MRO: variants seen among roughly 807,000 people sequenced by gnomAD.
MRO encodes the protein maestro.
MRO carries 28 observed loss-of-function variants against 31.0 expected under a neutral mutation model. That is an observed-to-expected ratio of 0.90 (90% CI 0.67 to 1.24). The LOEUF is 1.24. MRO is among the 50% of genes most tolerant of loss of function. The pLI is 0.00. For missense variants in MRO, 332 were observed against 289.2 expected (o/e 1.15, Z -1.07); for synonymous variants, 108 against 108.4 (o/e 1.00, Z 0.02).
chr18:50,824,256 G>A (rs113537405), upstream of MRO: 17,926 of 151,992 alleles, frequency 0.12, 1,102 homozygotes, highest in South Asian at 0.15. Flanking sequence ...GCAACATAGG[G>A]AGACCCCCAT....
At chr18:50,808,999 G>A (rs963746141) in intron 3 of MRO, among the ~76,000 whole-genome samples, 8 of 150,580 alleles carry the variant, frequency 5.3e-5, no homozygotes, top group Non-Finnish European at 7.5e-5. Context: ...TTAGCCGGGC[G>A]TAGTGGCGGG....
chr18:50,813,202 T>C (rs987474118), intron 2 of MRO, among the ~76,000 whole-genome samples: 2 of 152,126 alleles, frequency 1.3e-5, no homozygotes, highest in African/African-American at 2.4e-5. Context: ...TCTGGAGAGG[T>C]CCATGAAAAC....
chr18:50,820,041 A>G (rs1350229165), upstream of MRO: 3 of 1,307,186 alleles, frequency 2.3e-6, no homozygotes, highest in Admixed American at 2.0e-5. Flanking sequence ...TGCACCAAAC[A>G]AAACCTCCCT....
upstream of MRO, chr18:50,823,866 G>T: frequency 5.0e-6 from 1 of 201,676 alleles, no homozygotes; most frequent in Admixed American, 4.6e-5. Flanking sequence ...GCTTAAAAAT[G>T]CAGAGAACAA....
chr18:50,817,311 T>C (rs1226035531), intron 2 of MRO, among the ~76,000 whole-genome samples: 2 of 152,064 alleles, frequency 1.3e-5, no homozygotes, highest in African/African-American at 4.8e-5. Context: ...GCACCTTCTA[T>C]ATCAGAATTC....
chr18:50,803,704 T>C (rs887355677), intron 5 of MRO, among the ~76,000 whole-genome samples: 57 of 152,176 alleles, frequency 3.7e-4, no homozygotes, highest in African/African-American at 1.3e-3. Flanking sequence ...CTGGAGCAGG[T>C]GAGACACATG....
intron 2 of MRO, 145 bp downstream of exon 2, chr18:50,819,436 A>T: frequency 7.0e-7 from 1 of 1,434,852 alleles, no homozygotes; most frequent in Middle Eastern, 2.6e-4. Context: ...AGTTTTACAA[A>T]GAGAACATTA....
intron 2 of MRO, among the ~76,000 whole-genome samples, chr18:50,813,968 AC>A (rs1914675845): frequency 6.6e-6 from 1 of 152,174 alleles, no homozygotes; most frequent in Non-Finnish European, 1.5e-5. Flanking sequence ...ACAAACCCAC[AC>A]ATGTACCCCT....
intron 2 of MRO, 188 bp downstream of exon 2, chr18:50,819,393 A>G (rs1915189136): frequency 1.0e-6 from 1 of 980,860 alleles, no homozygotes; most frequent in Non-Finnish European, 1.2e-6. Context: ...AAAAGCAAAC[A>G]AAATCAGCTT....
intron 2 of MRO, among the ~76,000 whole-genome samples, chr18:50,810,761 G>A (rs1914406417): frequency 2.0e-5 from 3 of 152,156 alleles, no homozygotes; most frequent in South Asian, 2.1e-4. Context: ...TGTCTGCAGC[G>A]GGAACTCGAG....
At chr18:50,813,413 C>G (rs1025511438) in intron 2 of MRO, among the ~76,000 whole-genome samples, 1 of 152,250 alleles carries the variant, frequency 6.6e-6, no homozygotes, top group Admixed American at 6.5e-5. Flanking sequence ...CACAGGCTTC[C>G]TCATTAAACC....
chr18:50,814,124 C>T (rs1043291170), intron 2 of MRO, among the ~76,000 whole-genome samples: 7 of 152,090 alleles, frequency 4.6e-5, no homozygotes, highest in African/African-American at 9.7e-5. Context: ...AGATCAGAGC[C>T]GACAGGTGCC....
At chr18:50,820,436 G>T (rs147793986), upstream of MRO, among the ~76,000 whole-genome samples, 1,181 of 152,232 alleles carry the variant, frequency 7.8e-3, 6 homozygotes, top group Middle Eastern at 0.014. Flanking sequence ...CTCCAAACAC[G>T]TGCATAAATC....
upstream of MRO, among the ~76,000 whole-genome samples, chr18:50,821,091 A>G (rs1211693873): frequency 6.6e-6 from 1 of 152,248 alleles, no homozygotes; most frequent in Non-Finnish European, 1.5e-5. Flanking sequence ...CTGCAAAAGG[A>G]AAGCAATAAA....
intron 3 of MRO, among the ~76,000 whole-genome samples, chr18:50,807,696 A>C (rs894781581): frequency 2.6e-5 from 4 of 152,250 alleles, no homozygotes; most frequent in African/African-American, 9.6e-5. Flanking sequence ...TCCCAACTCC[A>C]GAATGCATGC....
In MRO at chr18:50,799,194, C is replaced by T. The variant is rs1913043426; in HGVS notation, c.*143G>A. The T allele has an allele frequency of 2.1e-5, 14 of 679,524 alleles. No individual in the cohort carries two copies. Among genetic ancestry groups the T allele is most frequent in the Non-Finnish European group, 3.1e-5 (12 of 384,130 alleles). 42.1% of individuals were successfully genotyped at this position (679,524 alleles called of 1,614,324 possible). ...ATACAATTCCATGTATTATTTTTGCCTTTGATTGCTCTCCCAGCACCCTCT... is the reference window on the plus strand; with the variant it reads ...ATACAATTCCATGTATTATTTTTGCTTTTGATTGCTCTCCCAGCACCCTCT... On this transcript the variant is annotated 3_prime_UTR_variant, in exon 8 of 8. Transcript: ENST00000398439.
In MRO at chr18:50,819,617, G is replaced by A. The variant is rs1338301266; in HGVS notation, c.-41C>T. ...GCAGGCGGCTGCCACGTGATGAACC[G>A]GAGCCCGTTCCTGACTCGGGAGGGC... On this transcript the variant is annotated 5_prime_UTR_variant, in exon 2 of 8. Transcript: ENST00000398439. 7.1e-6 allele frequency: 11 copies of A among 1,551,496 alleles called. No individual in the cohort carries two copies. The highest frequency in any genetic ancestry group is 6.1e-6 in the Non-Finnish European group (7 of 1,146,976).
chr18:50,821,039 A>G (rs762071425), upstream of MRO, among the ~76,000 whole-genome samples: 2 of 152,224 alleles, frequency 1.3e-5, no homozygotes, highest in Non-Finnish European at 1.5e-5. Context: ...CTAGACTGCA[A>G]AACTAAGGGG....
chr18:50,809,369 T>C lies in MRO; in HGVS notation c.32A>G (p.Gln11Arg), dbSNP rs764896300. 10 of 1,613,698 alleles carry C rather than the reference T, an allele frequency of 6.2e-6. No individual in the cohort carries two copies. Among genetic ancestry groups the C allele is most frequent in the Non-Finnish European group, 5.9e-6 (7 of 1,179,850 alleles). The part of the protein sequence containing the change: MDQRQRRILG[Q>R]PLSIPTSQPK... ...CTGGGAAGTAGGGATGGAAAGGGGC[T>C]GGCCCAGGATTCTCCTCTGTCTTTG... Residue 11 changes from glutamine to arginine, a missense_variant, in exon 3 of 8, where the codon CAG becomes CGG. By Grantham distance (43) the Gln-to-Arg change is conservative. Transcript: ENST00000398439.
Sources: allele counts gnomAD v4.1 joint callset (sites outside exome capture counted in the v4.1 genomes callset), GRCh38; gene constraint gnomAD v4.1.1; transcripts MANE v1.5; gene names NCBI Gene and HGNC (gene_info 2026-07-23, HGNC 2026-07-21).